CACNG2: variants seen among roughly 807,000 people sequenced by gnomAD.
CACNG2 encodes the protein calcium voltage-gated channel auxiliary subunit gamma 2.
A neutral mutation model predicts 25.9 loss-of-function variants in CACNG2; 3 were observed. The ratio of observed to expected loss-of-function variants is 0.12; its 90% CI spans 0.05 to 0.30. CACNG2 has a LOEUF of 0.30. CACNG2 is among the 10% of genes least tolerant of loss of function. The pLI is 1.00. For synonymous variants in CACNG2, 167 were observed against 173.3 expected, an observed-to-expected ratio of 0.96 and a Z score of 0.29; for missense variants, 341 against 432.5, an observed-to-expected ratio of 0.79 and a Z score of 1.88.
chr22:36,569,881 T>C (rs923802152), intron 2 of CACNG2, among the ~76,000 whole-genome samples: 4 of 152,078 alleles, frequency 2.6e-5, no homozygotes, highest in East Asian at 3.9e-4. Context: ...CATGTGGACA[T>C]GGTCCTGGCC....
At chr22:36,603,136 G>A (rs1305985148) in intron 1 of CACNG2, among the ~76,000 whole-genome samples, 1 of 152,220 alleles carries the variant, frequency 6.6e-6, no homozygotes, top group African/African-American at 2.4e-5. Flanking sequence ...CTCTATGAAT[G>A]ATAAGAAAGT....
At chr22:36,574,789 ACAAAACAAAAC>A (rs145484673) in intron 2 of CACNG2, among the ~76,000 whole-genome samples, 33,447 of 104,788 alleles carry the variant, frequency 0.32, 3,884 homozygotes, top group Admixed American at 0.39. Flanking sequence ...TCTCAACAAA[ACAAAACAAAAC>A]CAAAACAAAA....
intron 1 of CACNG2, among the ~76,000 whole-genome samples, chr22:36,611,874 T>C (rs986155872): frequency 2.0e-5 from 3 of 152,268 alleles, no homozygotes; most frequent in South Asian, 2.1e-4. Context: ...CCTGGGACCA[T>C]GAGTTTCAGC....
chr22:36,688,793 G>A (rs1449145600), intron 1 of CACNG2, among the ~76,000 whole-genome samples: 1 of 152,152 alleles, frequency 6.6e-6, no homozygotes, highest in Admixed American at 6.5e-5. Context: ...CTGCAGACCT[G>A]TGGCATCAGC....
chr22:36,591,272 G>A (rs1160273622), intron 1 of CACNG2, among the ~76,000 whole-genome samples: 2 of 151,884 alleles, frequency 1.3e-5, no homozygotes, highest in Non-Finnish European at 2.9e-5. Flanking sequence ...CTCGTGATCC[G>A]CCTGCTTCGG....
chr22:36,692,704 A>G (rs1420145036), intron 1 of CACNG2, among the ~76,000 whole-genome samples: 1 of 152,182 alleles, frequency 6.6e-6, no homozygotes, highest in Non-Finnish European at 1.5e-5. Context: ...CCTAGCTCCC[A>G]AGCACTTTCT....
intron 1 of CACNG2, among the ~76,000 whole-genome samples, chr22:36,635,757 T>C (rs1324439835): frequency 6.6e-6 from 1 of 152,070 alleles, no homozygotes; most frequent in Non-Finnish European, 1.5e-5. Context: ...TCCACTCCCT[T>C]CTCCATGTCG....
At chr22:36,580,743 A>G (rs939073173) in intron 2 of CACNG2, among the ~76,000 whole-genome samples, 6 of 152,124 alleles carry the variant, frequency 3.9e-5, no homozygotes, top group Admixed American at 3.3e-4. Context: ...TGCTTAATAC[A>G]TGACTGTTGG....
chr22:36,611,547 G>A (rs1935939728), intron 1 of CACNG2, among the ~76,000 whole-genome samples: 1 of 152,168 alleles, frequency 6.6e-6, no homozygotes. Flanking sequence ...CATCAGGCAG[G>A]CAGGTACTGA....
intron 1 of CACNG2, among the ~76,000 whole-genome samples, chr22:36,630,872 C>G (rs1400818124): frequency 6.6e-6 from 1 of 152,100 alleles, no homozygotes; most frequent in Admixed American, 6.5e-5. Flanking sequence ...GCTCTGTCAC[C>G]CAGGCTGGTG....
intron 1 of CACNG2, among the ~76,000 whole-genome samples, chr22:36,598,206 G>A (rs1275465514): frequency 1.3e-5 from 2 of 152,226 alleles, no homozygotes; most frequent in Non-Finnish European, 2.9e-5. Context: ...GTTAGTGTGT[G>A]TGGGTGTCCA....
intron 1 of CACNG2, among the ~76,000 whole-genome samples, chr22:36,688,539 CAAAAAAA>C (rs35964599): frequency 1.4e-5 from 1 of 70,142 alleles, no homozygotes; most frequent in Non-Finnish European, 3.0e-5. Flanking sequence ...GACCCTGTCT[CAAAAAAA>C]AAAAAAAAAA....
chr22:36,591,257 C>A (rs1001016961), intron 1 of CACNG2, among the ~76,000 whole-genome samples: 12 of 152,040 alleles, frequency 7.9e-5, no homozygotes, highest in African/African-American at 2.9e-4. Flanking sequence ...TCTCGATCTC[C>A]TGACCTCGTG....
At chr22:36,648,945 C>A (rs1015552978) in intron 1 of CACNG2, among the ~76,000 whole-genome samples, 2 of 152,306 alleles carry the variant, frequency 1.3e-5, no homozygotes, top group South Asian at 2.1e-4. Context: ...ATGGTCAGTG[C>A]AGTCTTCTGA....
intron 1 of CACNG2, among the ~76,000 whole-genome samples, chr22:36,652,918 C>A (rs1936641632): frequency 6.6e-6 from 1 of 152,150 alleles, no homozygotes; most frequent in African/African-American, 2.4e-5. Context: ...GGCTAAGATG[C>A]AAAGTTGCCG....
At chr22:36,682,085 G>A (rs1044109577) in intron 1 of CACNG2, among the ~76,000 whole-genome samples, 52 of 152,238 alleles carry the variant, frequency 3.4e-4, no homozygotes, top group Non-Finnish European at 8.8e-5. Context: ...ATTCCTATGT[G>A]AATTTCTGCT....
chr22:36,605,071 G>C (rs1438324050), intron 1 of CACNG2, among the ~76,000 whole-genome samples: 3 of 152,072 alleles, frequency 2.0e-5, no homozygotes, highest in Non-Finnish European at 4.4e-5. Flanking sequence ...CACTGCCCTT[G>C]GCCCAACATA....
chr22:36,642,041 A>C (rs1250461568), intron 1 of CACNG2, among the ~76,000 whole-genome samples: 1 of 152,168 alleles, frequency 6.6e-6, no homozygotes, highest in African/African-American at 2.4e-5. Context: ...TGTTTATATG[A>C]TCCCTGCTGA....
In CACNG2 at chr22:36,644,095, GA is replaced by G. The variant is rs1039290118; in HGVS notation, c.212-56548del. Among the ~76,000 whole-genome samples the G allele has an allele frequency of 3.3e-5, 5 of 151,616 alleles. 1 individual carries two copies. Among genetic ancestry groups the G allele is most frequent in the South Asian group, 4.2e-4 (2 of 4,794 alleles). On this transcript the variant is annotated intron_variant, in intron 1 of 3. Transcript: ENST00000300105. ...GATAGTCTCCTGGAAGGGATTTGGG[GA>G]AAAAAAAGAAAGACACACCCATATG...
Sources: gnomAD v4.1 joint callset for allele counts (sites outside exome capture counted in the v4.1 genomes callset) on GRCh38, gnomAD v4.1.1 for gene constraint, MANE v1.5 for transcripts, NCBI Gene and HGNC (gene_info 2026-07-23, HGNC 2026-07-21) for gene names.